Variants in APOB observed in about 807,000 individuals in gnomAD.
APOB encodes apolipoprotein B, also known as apolipoprotein B-100.
A neutral mutation model predicts 314.1 loss-of-function variants in APOB; 153 were observed. The observed-to-expected ratio is 0.49, with a 90% CI of 0.43 to 0.56. The LOEUF is 0.56. Ranked by LOEUF, APOB falls within the 20% of genes least tolerant of loss-of-function variation. The pLI is 0.00. For synonymous variants in APOB, 2,087 were observed against 2,036.4 expected (o/e 1.02, Z -0.67); for missense variants, 5,430 against 5,350.7 (o/e 1.01, Z -0.46).
In APOB at chr2:21,019,727, T is replaced by A; in HGVS notation, c.2995A>T (p.Thr999Ser). The A allele has an allele frequency of 6.2e-7, 1 of 1,614,112 alleles. No individual in the cohort carries two copies. The highest frequency in any genetic ancestry group is 8.5e-7 in the Non-Finnish European group (1 of 1,180,006). The change falls in exon 19 of 29, where the codon ACC becomes TCC. Residue 999 changes from threonine (T) to serine (S), a missense_variant. Coordinates refer to ENST00000233242, the MANE Select transcript of APOB (RefSeq NM_000384.3). Reference protein sequence around the residue: ...SASYYPLTGDTRLELELRPTG... With the variant: ...SASYYPLTGDSRLELELRPTG... ...CAGGCACTGAGCATCTCTAACCTGG[T>A]GTCCCCGGTCAGCGGATAGTAGGAG...
intron 4 of APOB, among the ~76,000 whole-genome samples, chr2:21,038,645 CT>C (rs1315698852): frequency 6.6e-6 from 1 of 152,260 alleles, no homozygotes; most frequent in Admixed American, 6.5e-5. Flanking sequence ...TGTGTTTTAA[CT>C]TTTTTTGCTT....
Position 21,001,912 on chromosome 2 carries a change from C to T in APOB, c.13510G>A (p.Asp4504Asn). ...TTTTCATAGTAATCAGAGAGTTGGT[C>T]TGAAAAATCTTGCAGTTTATATCTA... is the stretch of plus-strand genomic sequence containing the variant. ...QFRYKLQDFS[D>N]QLSDYYEKFI... Residue 4504 changes from aspartate to asparagine, a missense_variant, in exon 29 of 29, where the codon GAC becomes AAC. By Grantham distance (23) the Asp-to-Asn change is conservative. Coordinates refer to ENST00000233242, the MANE Select transcript of APOB (RefSeq NM_000384.3). The T allele has an allele frequency of 6.2e-7, 1 of 1,613,972 alleles. No homozygotes were observed. The highest frequency in any genetic ancestry group is 8.5e-7 in the Non-Finnish European group (1 of 1,179,954).
At position 21,007,985 on chromosome 2, in the gene APOB, A is replaced by T; in HGVS notation, c.8883T>A (p.Asn2961Lys). 1 of 1,614,096 alleles carries T rather than the reference A, an allele frequency of 6.2e-7. No individual in the cohort carries two copies. Among genetic ancestry groups the T allele is most frequent in the Non-Finnish European group, 8.5e-7 (1 of 1,179,960 alleles). The change falls in exon 26 of 29, where the codon AAT (asparagine) becomes AAA (lysine). Residue 2961 changes from asparagine to lysine, a missense_variant. Asn to Lys is a moderately conservative substitution (Grantham distance 94). Coordinates refer to ENST00000233242, the MANE Select transcript of APOB (RefSeq NM_000384.3). ...EGPLTSFGLS[N>K]KINSKHLRVN... ...CTCTTAGGTGTTTGCTATTGATCTT[A>T]TTGGACAGTCCAAAGGAAGTGAGGG... is the stretch of plus-strand genomic sequence containing the variant.
rs150182638 is a variant in APOB at position 21,041,000 on chromosome 2, A to G, written c.321T>C (p.Pro107=). 5 of 1,613,788 alleles carry G rather than the reference A, an allele frequency of 3.1e-6. No individual in the cohort carries two copies. The African/African-American group carries it at 6.7e-5, about 22-fold the overall frequency. Residue 107 remains proline, a synonymous_variant, in exon 4 of 29, where the codon CCT becomes CCC. Transcript: ENST00000233242. Reference sequence around the variant, plus strand: ...TTTTCTTCAGCAAGGCTTTGCCCTCAGGGTTGAAGCCATACACCTCTTTCA... The same window carrying G: ...TTTTCTTCAGCAAGGCTTTGCCCTCGGGGTTGAAGCCATACACCTCTTTCA... The part of the protein sequence containing the change: ...CTLKEVYGFN[P]EGKALLKKTK...
chr2:21,041,901 G>A (rs1664141606), intron 3 of APOB, among the ~76,000 whole-genome samples: 3 of 152,090 alleles, frequency 2.0e-5, no homozygotes, highest in South Asian at 2.1e-4. Context: ...AATAAGCAAA[G>A]TTTTATTTTA....
intron 10 of APOB, among the ~76,000 whole-genome samples, chr2:21,030,767 A>G (rs1011169890): frequency 1.3e-5 from 2 of 152,214 alleles, no homozygotes; most frequent in African/African-American, 4.8e-5. Context: ...TCCCCCAAAT[A>G]ATCCCATTAA....
At position 21,019,841 on chromosome 2, in the gene APOB, G is replaced by C. The variant is rs1267201925; in HGVS notation, c.2881C>G (p.Gln961Glu). The C allele has an allele frequency of 6.2e-7, 1 of 1,614,158 alleles. No individual in the cohort carries two copies. The highest frequency in any genetic ancestry group is 1.1e-5 in the South Asian group (1 of 91,080). The change falls in exon 19 of 29, where the codon CAG (glutamine) becomes GAG (glutamate). Residue 961 changes from glutamine (Q) to glutamate (E), a missense_variant. Physicochemically the swap from Gln to Glu is conservative, Grantham distance 29. Coordinates refer to ENST00000233242, the MANE Select transcript of APOB (RefSeq NM_000384.3). ...ACTTGCTTGCAAACTGACCAGGACT[G>C]CCTGTTCTCAATGAGAGGTGGGATC... ...EVIPPLIENR[Q>E]SWSVCKQVFP...
chr2:21,031,798 C>T (rs749720797), intron 10 of APOB, among the ~76,000 whole-genome samples: 4 of 151,916 alleles, frequency 2.6e-5, no homozygotes, highest in Non-Finnish European at 5.9e-5. Context: ...TTCAGTGAGC[C>T]GTGACTGCAT....
chr2:21,016,004 G>A (rs933312168), intron 21 of APOB, among the ~76,000 whole-genome samples: 6 of 152,164 alleles, frequency 3.9e-5, no homozygotes, highest in Non-Finnish European at 8.8e-5. Flanking sequence ...AATGTTGAGA[G>A]CTTGGCCGGG....
intron 18 of APOB, among the ~76,000 whole-genome samples, chr2:21,020,968 A>G (rs539999898): frequency 6.6e-6 from 1 of 151,910 alleles, no homozygotes; most frequent in South Asian, 2.1e-4. Flanking sequence ...TTCTGTCCTC[A>G]TCTCTCATGT....
At chr2:21,018,385 T>C (rs926088869) in intron 20 of APOB, among the ~76,000 whole-genome samples, 1 of 152,110 alleles carries the variant, frequency 6.6e-6, no homozygotes, top group East Asian at 1.9e-4. Flanking sequence ...GCCTATGAGA[T>C]TATCCTTCCT....
intron 20 of APOB, among the ~76,000 whole-genome samples, chr2:21,017,059 G>A (rs1315603409): frequency 1.3e-5 from 2 of 151,612 alleles, no homozygotes; most frequent in African/African-American, 4.8e-5. Flanking sequence ...GCTATGTTTT[G>A]GAAGGAAAGA....
intron 18 of APOB, among the ~76,000 whole-genome samples, chr2:21,021,548 C>T (rs1370923313): frequency 6.6e-6 from 1 of 152,176 alleles, no homozygotes. Flanking sequence ...GGATGGCTTT[C>T]GCAGCTGGGC....
chr2:21,027,759 C>A, intron 14 of APOB, 69 bp downstream of exon 14: 1 of 1,238,036 alleles, frequency 8.1e-7, no homozygotes, highest in South Asian at 1.2e-5. Context: ...TAGCTCCTGG[C>A]TCCCAGGGAC....
At chr2:21,027,787 G>T in intron 14 of APOB, 41 bp downstream of exon 14, 2 of 1,491,542 alleles carry the variant, frequency 1.3e-6, no homozygotes, top group Non-Finnish European at 1.9e-6. Context: ...TTATGATGCT[G>T]TACAAAATGG....
chr2:21,019,164 G>T, intron 19 of APOB, 51 bp from the exon 20 acceptor site: 1 of 1,611,938 alleles, frequency 6.2e-7, no homozygotes, highest in South Asian at 1.1e-5. Flanking sequence ...TTTCAAGGAT[G>T]GTGATTATGT....
In APOB at chr2:21,013,238, T is replaced by C; in HGVS notation, c.4138A>G (p.Thr1380Ala). 2 of 1,614,190 alleles carry C rather than the reference T, an allele frequency of 1.2e-6. No homozygotes were observed. Residue 1380 changes from threonine (T) to alanine (A), a missense_variant, in exon 25 of 29, where the codon ACA becomes GCA. By Grantham distance (58) the Thr-to-Ala change is moderately conservative. This residue lies in a region of APOB where 2,085 missense variants were observed against 2,079.7 expected (regional missense o/e 1.00). Transcript: ENST00000233242. Reference sequence around the variant, plus strand: ...CGAGCCCGAAGGCTGAAATGGTCTGTGCTGGTGTTGCCACCACTGTAGGAG... The same window carrying C: ...CGAGCCCGAAGGCTGAAATGGTCTGCGCTGGTGTTGCCACCACTGTAGGAG... ...SASYSGGNTS[T>A]DHFSLRARYH...
rs536182427 is a variant in APOB, at chr2:21,011,705, G to C, written c.5163C>G (p.Val1721=). The change falls in exon 26 of 29, where the codon GTC becomes GTG. Residue 1721 remains valine (V), a synonymous_variant. Transcript: ENST00000233242. ...TGAAGTTGAAAATGTTTTTGCTGTC[G>C]ACACCCAGAATCATGGCCTGATAAG... The part of the protein sequence containing the change: ...GSAYQAMILG[V]DSKNIFNFKV... 6 of 1,613,958 alleles carry C rather than the reference G, an allele frequency of 3.7e-6. No homozygotes were observed. The East Asian group carries it at 1.1e-4, about 30-fold the overall frequency.
Position 21,006,264 on chromosome 2 carries a change from G to T in APOB, c.10604C>A (p.Thr3535Asn). ...GTTCCAGATATCATCAATTTTGGAAGTGCCCTGCAGCTTCACTGAAGACCG... is the reference window on the plus strand; with the variant it reads ...GTTCCAGATATCATCAATTTTGGAATTGCCCTGCAGCTTCACTGAAGACCG... Reference protein sequence around the residue: ...STRSSVKLQGTSKIDDIWNLE... With the variant: ...STRSSVKLQGNSKIDDIWNLE... Residue 3535 changes from threonine to asparagine, a missense_variant, in exon 26 of 29, where the codon ACT (threonine) becomes AAT (asparagine). By Grantham distance (65) the Thr-to-Asn change is moderately conservative. Coordinates refer to ENST00000233242, the MANE Select transcript of APOB (RefSeq NM_000384.3). 1 of 1,614,026 alleles carries T rather than the reference G, an allele frequency of 6.2e-7. No homozygotes were observed. Among genetic ancestry groups the T allele is most frequent in the Non-Finnish European group, 8.5e-7 (1 of 1,179,966 alleles).
Sources: gnomAD v4.1 joint callset for allele counts (sites outside exome capture counted in the v4.1 genomes callset) on GRCh38, gnomAD v4.1.1 for gene constraint, gnomAD v4.1.1 regional missense constraint, MANE v1.5 for transcripts, NCBI Gene and HGNC (gene_info 2026-07-23, HGNC 2026-07-21) for gene names.